The following FAT3 variants were observed in gnomAD, a reference collection of about 807,000 sequenced individuals.
FAT3 encodes protocadherin Fat 3.
In FAT3, 95 loss-of-function variants were observed where a neutral mutation model predicts 310.2. That is an observed-to-expected ratio of 0.31 (90% confidence interval 0.26 to 0.36). The LOEUF (loss-of-function observed/expected upper bound fraction) is 0.36, where lower values mean the gene tolerates loss of function less well. Among genes scored for constraint, FAT3 ranks in the 10% least tolerant of loss-of-function variants. The pLI, the probability that FAT3 is intolerant of heterozygous loss-of-function variation, is 1.00. For missense variants in FAT3, 5,408 were observed against 5,715.6 expected (o/e 0.95, Z 1.74); for synonymous variants, 2,314 against 2,192.9 (o/e 1.06, Z -1.54).
rs942391476 is a variant in FAT3, at chr11:92,893,208, A to G, written c.*2095A>G. 9 of 152,196 alleles carry G rather than the reference A, an allele frequency of 5.9e-5. No individual in the cohort carries two copies. Among genetic ancestry groups the G allele is most frequent in the African/African-American group, 2.2e-4 (9 of 41,442 alleles). 9.4% of individuals were successfully genotyped at this position (152,196 alleles called of 1,614,324 possible). A position where few individuals can be genotyped will look rare whatever the true frequency, so the allele number is the denominator to read the frequency against. On this transcript the variant is annotated 3_prime_UTR_variant, in exon 28 of 28. Transcript: ENST00000525166. ...CCAAACTTTCTAAGTAAGTGGATAC[A>G]CTACACTTCACAAGTTTTCCAGCCT...
intron 10 of FAT3, 90 bp from the exon 11 acceptor site, chr11:92,805,063 G>A (rs555556916): frequency 3.8e-6 from 5 of 1,321,010 alleles, no homozygotes; most frequent in Non-Finnish European, 5.2e-6. Flanking sequence ...AGGAGTACCT[G>A]GATGACTCCA....
chr11:92,602,845 C>A (rs1389748306), intron 3 of FAT3, among the ~76,000 whole-genome samples: 1 of 152,140 alleles, frequency 6.6e-6, no homozygotes, highest in Non-Finnish European at 1.5e-5. Flanking sequence ...TTTTTGTGTC[C>A]TGTGAACAAA....
At chr11:92,456,302 CTTATGGAGG>C (rs1951490776) in intron 2 of FAT3, among the ~76,000 whole-genome samples, 2 of 152,254 alleles carry the variant, frequency 1.3e-5, no homozygotes, top group South Asian at 4.1e-4. Context: ...AATATTATTA[CTTATGGAGG>C]TTATAGTTTC....
intron 3 of FAT3, among the ~76,000 whole-genome samples, chr11:92,605,334 C>T (rs903165248): frequency 8.5e-5 from 13 of 152,190 alleles, no homozygotes; most frequent in South Asian, 8.3e-4. Context: ...CCCTGGATGA[C>T]GATCCTTCTG....
chr11:92,661,807 A>G (rs1476484394), intron 3 of FAT3, among the ~76,000 whole-genome samples: 2 of 152,110 alleles, frequency 1.3e-5, no homozygotes, highest in East Asian at 3.9e-4. Flanking sequence ...TTTTCCTAAT[A>G]TAAGCCCTGG....
At chr11:92,645,796 C>A (rs1942140682) in intron 3 of FAT3, among the ~76,000 whole-genome samples, 1 of 152,184 alleles carries the variant, frequency 6.6e-6, no homozygotes, top group South Asian at 2.1e-4. Context: ...CATGTTCATT[C>A]TTTGTCTCCC....
intron 13 of FAT3, among the ~76,000 whole-genome samples, chr11:92,815,116 T>C (rs1947789154): frequency 6.6e-6 from 1 of 152,094 alleles, no homozygotes; most frequent in Non-Finnish European, 1.5e-5. Flanking sequence ...TTGAGCACAT[T>C]TGAGAAAAGA....
At position 92,302,160 on chromosome 11, in the gene FAT3, A is replaced by G. The variant is rs540098825; in HGVS notation, c.-17-49936A>G. Among the ~76,000 whole-genome samples, 3 of 152,176 alleles carry G rather than the reference A, an allele frequency of 2.0e-5. No homozygotes were observed. The South Asian group carries it at 6.2e-4, about 32-fold the overall frequency. On this transcript the variant is annotated intron_variant, in intron 1 of 27. Transcript: ENST00000525166. ...AGGAGCACATGGTTGCCTTGTTTTG[A>G]TTGGAGATTATTAGTGTAGGTGCTA...
rs760087842 is a variant in FAT3, at chr11:92,502,057, G to A, written c.3293-22577G>A. On this transcript the variant is annotated intron_variant, in intron 2 of 27. Coordinates refer to ENST00000525166, the MANE Select transcript of FAT3 (RefSeq NM_001367949.2). Reference sequence around the variant, plus strand: ...AATCACATGCTTTTTACATTTGTACGTGATAGACTCCTGAGAATAATAGTT... The same window carrying A: ...AATCACATGCTTTTTACATTTGTACATGATAGACTCCTGAGAATAATAGTT... Among the ~76,000 whole-genome samples the A allele has an allele frequency of 5.3e-5, 8 of 152,116 alleles. No homozygotes were observed. The East Asian group carries it at 7.8e-4, about 15-fold the overall frequency.
Position 92,765,004 on chromosome 11 carries a change from A to G in FAT3, c.4110A>G (p.Thr1370=). 6.2e-7 allele frequency: 1 copy of G among 1,613,900 alleles called. No individual in the cohort carries two copies. The highest frequency in any genetic ancestry group is 1.1e-5 in the South Asian group (1 of 91,078). The part of the protein sequence containing the change: ...LTFDEPFYNF[T]VMESDRVTEI... ...TCGATGAGCCGTTTTATAACTTCACAGTCATGGAAAGTGATAGAGTGACTG... is the reference window on the plus strand; with the variant it reads ...TCGATGAGCCGTTTTATAACTTCACGGTCATGGAAAGTGATAGAGTGACTG... Residue 1370 remains threonine, a synonymous_variant, in exon 6 of 28, where the codon ACA becomes ACG. Coordinates refer to ENST00000525166, the MANE Select transcript of FAT3 (RefSeq NM_001367949.2).
chr11:92,889,191 T>A lies in FAT3; in HGVS notation c.13054T>A (p.Ser4352Thr). Reference sequence around the variant, plus strand: ...CGACTTCTTTTCCTGACCACAAGCCTCCATAGTGACTGTCATTCAGCTTGT... The same window carrying A: ...CGACTTCTTTTCCTGACCACAAGCCACCATAGTGACTGTCATTCAGCTTGT... ...FQSDSGDDNA[S>T]IVTVIQLVNN... Residue 4352 changes from serine to threonine, a missense_variant and splice_region_variant, in exon 26 of 28, where the codon TCC becomes ACC. Physicochemically the swap from Ser to Thr is moderately conservative, Grantham distance 58. Transcript: ENST00000525166. 1.4e-6 allele frequency: 1 copy of A among 713,844 alleles called. No homozygotes were observed. The allele number at this position is 713,844 out of a possible 1,614,324, so 44.2% of individuals were successfully genotyped here.
intron 1 of FAT3, among the ~76,000 whole-genome samples, chr11:92,272,292 A>T (rs566277305): frequency 6.6e-6 from 1 of 152,104 alleles, no homozygotes; most frequent in East Asian, 1.9e-4. Context: ...AATCAAGCAC[A>T]TAAGGCCGAG....
intron 2 of FAT3, among the ~76,000 whole-genome samples, chr11:92,512,954 C>A (rs1399282361): frequency 3.9e-5 from 3 of 76,710 alleles, no homozygotes; most frequent in Non-Finnish European, 2.5e-5. Context: ...AACCCCGTCT[C>A]TACTAAAAAT....
intron 9 of FAT3, among the ~76,000 whole-genome samples, chr11:92,796,591 A>C (rs1049431968): frequency 6.6e-6 from 1 of 152,232 alleles, no homozygotes. Flanking sequence ...ATACTCAGAA[A>C]GAAAAGTCCA....
At chr11:92,229,834 A>C (rs904483667) in intron 1 of FAT3, among the ~76,000 whole-genome samples, 2 of 150,078 alleles carry the variant, frequency 1.3e-5, no homozygotes, top group African/African-American at 4.9e-5. Context: ...AAGGGATGAA[A>C]ATTTGAGAAT....
At chr11:92,489,355 C>T (rs763376282) in intron 2 of FAT3, among the ~76,000 whole-genome samples, 6 of 152,092 alleles carry the variant, frequency 3.9e-5, no homozygotes, top group Non-Finnish European at 8.8e-5. Context: ...TATTCCCGAT[C>T]ATTATGCATT....
intron 22 of FAT3, among the ~76,000 whole-genome samples, chr11:92,875,910 T>G (rs1949521145): frequency 6.6e-6 from 1 of 152,240 alleles, no homozygotes; most frequent in Non-Finnish European, 1.5e-5. Flanking sequence ...TTTTAAATTC[T>G]GATTTTCCAA....
intron 1 of FAT3, among the ~76,000 whole-genome samples, chr11:92,264,283 A>G (rs1945871830): frequency 6.6e-6 from 1 of 152,190 alleles, no homozygotes; most frequent in African/African-American, 2.4e-5. Flanking sequence ...GGAATACTTT[A>G]AGACTCCAAT....
chr11:92,514,578 T>TG (rs1308667819), intron 2 of FAT3, among the ~76,000 whole-genome samples: 4 of 152,144 alleles, frequency 2.6e-5, no homozygotes, highest in Non-Finnish European at 4.4e-5. Context: ...TCATTGTAGA[T>TG]GGTTTATTTT....
Sources: allele counts gnomAD v4.1 joint callset (sites outside exome capture counted in the v4.1 genomes callset), GRCh38; gene constraint gnomAD v4.1.1; transcripts MANE v1.5; gene names NCBI Gene and HGNC (gene_info 2026-07-23, HGNC 2026-07-21).